The following PAPPA2 variants were observed in gnomAD, a reference collection of about 807,000 sequenced individuals.
The protein encoded by PAPPA2 is pappalysin-2.
A neutral mutation model predicts 176.4 loss-of-function variants in PAPPA2; 86 were observed. That is an observed-to-expected ratio of 0.49 (90% CI 0.41 to 0.58). The LOEUF is 0.58. PAPPA2 is among the 20% of genes least tolerant of loss of function. PAPPA2 has a pLI of 0.00. For synonymous variants in PAPPA2, 809 were observed against 852.2 expected (o/e 0.95, Z 0.88); for missense variants, 2,073 against 2,256.9 (o/e 0.92, Z 1.65).
chr1:176,796,683 T>C (rs1665452868), intron 20 of PAPPA2, among the ~76,000 whole-genome samples: 2 of 151,538 alleles, frequency 1.3e-5, no homozygotes, highest in Admixed American at 1.3e-4. Flanking sequence ...CTCTTTTTCT[T>C]TTTCTTTTCT....
At chr1:176,809,075 A>T (rs1383803109) in intron 21 of PAPPA2, among the ~76,000 whole-genome samples, 1 of 152,200 alleles carries the variant, frequency 6.6e-6, no homozygotes, top group Non-Finnish European at 1.5e-5. Context: ...TAGTCTTTGG[A>T]GAGTTTTAAA....
At chr1:176,747,596 C>A (rs945258663) in intron 14 of PAPPA2, among the ~76,000 whole-genome samples, 1 of 152,018 alleles carries the variant, frequency 6.6e-6, no homozygotes, top group South Asian at 2.1e-4. Flanking sequence ...TGCATCTAAC[C>A]CAGGAAAAGA....
intron 21 of PAPPA2, among the ~76,000 whole-genome samples, chr1:176,833,188 A>AAG (rs1346508553): frequency 1.3e-5 from 2 of 152,172 alleles, no homozygotes; most frequent in Non-Finnish European, 2.9e-5. Flanking sequence ...GTACAACTTC[A>AAG]ACTGTTAGCC....
intron 21 of PAPPA2, among the ~76,000 whole-genome samples, chr1:176,821,493 G>A (rs2102974494): frequency 6.6e-6 from 1 of 152,268 alleles, no homozygotes; most frequent in East Asian, 1.9e-4. Context: ...GTCTTAAATA[G>A]CAACTTCTCA....
chr1:176,741,614 C>T (rs1006919357), intron 14 of PAPPA2, among the ~76,000 whole-genome samples: 2 of 152,048 alleles, frequency 1.3e-5, no homozygotes, highest in Admixed American at 1.3e-4. Context: ...GAGGGGTTGG[C>T]ATAGGGGCAT....
chr1:176,750,076 T>C (rs971518563), intron 14 of PAPPA2, among the ~76,000 whole-genome samples: 18 of 152,354 alleles, frequency 1.2e-4, no homozygotes, highest in South Asian at 2.1e-4. Context: ...AAAACATAAA[T>C]ATTGTTGTAA....
At chr1:176,773,956 G>C (rs887544426) in intron 17 of PAPPA2, among the ~76,000 whole-genome samples, 1 of 152,098 alleles carries the variant, frequency 6.6e-6, no homozygotes, top group Admixed American at 6.6e-5. Flanking sequence ...CATGCTCTAT[G>C]CCAGTCTCTG....
intron 1 of PAPPA2, among the ~76,000 whole-genome samples, chr1:176,500,690 C>T (rs1208462420): frequency 2.0e-5 from 3 of 151,816 alleles, no homozygotes; most frequent in African/African-American, 7.3e-5. Flanking sequence ...ATTAGAGGTA[C>T]ATTCTGCAGT....
intron 3 of PAPPA2, among the ~76,000 whole-genome samples, chr1:176,660,577 T>C (rs1435924472): frequency 6.6e-6 from 1 of 151,930 alleles, no homozygotes; most frequent in Non-Finnish European, 1.5e-5. Flanking sequence ...TTTTTGGGGG[T>C]AGTCCCAGGA....
intron 12 of PAPPA2, among the ~76,000 whole-genome samples, chr1:176,724,717 C>T (rs1251451154): frequency 1.3e-5 from 2 of 152,218 alleles, no homozygotes; most frequent in Non-Finnish European, 2.9e-5. Flanking sequence ...GAATCTTCAA[C>T]AGAAAACGCA....
chr1:176,744,950 G>C (rs906161639), intron 14 of PAPPA2, among the ~76,000 whole-genome samples: 1 of 152,152 alleles, frequency 6.6e-6, no homozygotes, highest in East Asian at 1.9e-4. Context: ...GTATTCTTGT[G>C]AGATTGACTG....
chr1:176,643,560 T>TA (rs1295255921), intron 3 of PAPPA2, among the ~76,000 whole-genome samples: 13 of 151,868 alleles, frequency 8.6e-5, no homozygotes, highest in Admixed American at 2.6e-4. Context: ...AGTACCAGTA[T>TA]ACACAGAGGC....
At chr1:176,647,032 T>C (rs1657436312) in intron 3 of PAPPA2, among the ~76,000 whole-genome samples, 1 of 151,608 alleles carries the variant, frequency 6.6e-6, no homozygotes, top group South Asian at 2.1e-4. Context: ...TTACCTACTG[T>C]ATATAACAGT....
At chr1:176,540,197 T>C (rs534612251) in intron 1 of PAPPA2, among the ~76,000 whole-genome samples, 11 of 152,214 alleles carry the variant, frequency 7.2e-5, no homozygotes, top group Non-Finnish European at 1.0e-4. Flanking sequence ...TGCAGGGTCA[T>C]TGGGTAGAAA....
intron 21 of PAPPA2, among the ~76,000 whole-genome samples, chr1:176,801,152 G>A (rs1052627331): frequency 1.3e-5 from 2 of 151,504 alleles, no homozygotes; most frequent in African/African-American, 4.9e-5. Context: ...CCTAAGAATA[G>A]CCAGTGACAA....
At position 176,595,375 on chromosome 1, in the gene PAPPA2, A is replaced by G; in HGVS notation, c.1771A>G (p.Ile591Val). 2 of 1,614,186 alleles carry G rather than the reference A, an allele frequency of 1.2e-6. No homozygotes were observed. Among genetic ancestry groups the G allele is most frequent in the Non-Finnish European group, 8.5e-7 (1 of 1,180,032 alleles). The change falls in exon 3 of 23, where the codon ATT becomes GTT. Residue 591 changes from isoleucine to valine, a missense_variant. This residue lies in a region of PAPPA2 where 1,196 missense variants were observed against 1,330.4 expected (regional missense o/e 0.90). Transcript: ENST00000367662. ...GCTTGTGAACTGTGAGCCCAGCAAG[A>G]TTGGCAATGACCATTGTGACCCCGA... ...VVLVNCEPSK[I>V]GNDHCDPECE... is the part of the protein sequence containing the mutation.
At chr1:176,744,254 G>C (rs1662807958) in intron 14 of PAPPA2, among the ~76,000 whole-genome samples, 1 of 152,060 alleles carries the variant, frequency 6.6e-6, no homozygotes, top group South Asian at 2.1e-4. Flanking sequence ...GAATTAAAAT[G>C]TCTATCCCTG....
At chr1:176,659,310 T>A (rs1219456087) in intron 3 of PAPPA2, among the ~76,000 whole-genome samples, 1 of 152,086 alleles carries the variant, frequency 6.6e-6, no homozygotes, top group Non-Finnish European at 1.5e-5. Context: ...AGGGAGATTC[T>A]GTCCCAGGCT....
At chr1:176,707,161 G>C (rs1408990) in intron 10 of PAPPA2, among the ~76,000 whole-genome samples, 123,851 of 152,190 alleles carry the variant, frequency 0.81, 50,542 homozygotes, top group East Asian at 0.98. Flanking sequence ...TTTGGTAGAG[G>C]ATAACCACAC....
Sources: allele counts gnomAD v4.1 joint callset (sites outside exome capture counted in the v4.1 genomes callset), GRCh38; gene constraint gnomAD v4.1.1; regional missense constraint gnomAD v4.1.1; transcripts MANE v1.5; gene names NCBI Gene and HGNC (gene_info 2026-07-23, HGNC 2026-07-21).